Variants in ZC3H4 observed in about 807,000 individuals in gnomAD.
ZC3H4 encodes zinc finger CCCH domain-containing protein 4.
A neutral mutation model predicts 108.3 loss-of-function variants in ZC3H4; 13 were observed. The ratio of observed to expected loss-of-function variants is 0.12; its 90% CI spans 0.08 to 0.19. The LOEUF is 0.19. ZC3H4 is among the 10% of genes least tolerant of loss of function. The probability of loss-of-function intolerance (pLI) is 1.00; values close to 1 mark genes in which losing one functional copy is unlikely to be tolerated. For missense variants in ZC3H4, 1,734 were observed against 1,838.8 expected, an observed-to-expected ratio of 0.94 and a Z score of 1.04; for synonymous variants, 917 against 749.6, an observed-to-expected ratio of 1.22 and a Z score of -3.65.
chr19:47,086,576 C>G, intron 5 of ZC3H4, 38 bp from the exon 6 acceptor site: 1 of 1,532,228 alleles, frequency 6.5e-7, no homozygotes, highest in Middle Eastern at 1.8e-4. Context: ...CCAGCAGGAG[C>G]AGATGCCACC....
Position 47,072,747 on chromosome 19 carries a change from C to T in ZC3H4, c.1441-34G>A, listed in dbSNP as rs369536633. 226 of 1,609,972 alleles carry T rather than the reference C, an allele frequency of 1.4e-4. No homozygotes were observed. The highest frequency in any genetic ancestry group is 6.4e-4 in the South Asian group (58 of 90,810). On this transcript the variant is annotated intron_variant, in intron 11 of 14. Coordinates refer to ENST00000253048, the MANE Select transcript of ZC3H4 (RefSeq NM_015168.2). The surrounding 1 kb of genome is among the most constrained non-coding windows in gnomAD (Gnocchi z 5.6). ...GTGAAAGAACAAAAGAAGGTGTGGA[C>T]GGGGTCAGGATGGAAACGGACCTCT...
chr19:47,097,852 AG>A (rs1340464674), intron 2 of ZC3H4, among the ~76,000 whole-genome samples: 1 of 152,200 alleles, frequency 6.6e-6, no homozygotes, highest in Non-Finnish European at 1.5e-5. Context: ...CGGCCTGTGC[AG>A]GGAGCACTCT....
At chr19:47,078,451 C>T (rs1189583909) in intron 11 of ZC3H4, among the ~76,000 whole-genome samples, 1 of 150,442 alleles carries the variant, frequency 6.6e-6, no homozygotes. Context: ...GCCCACTGCA[C>T]TCCAGCCTGG....
chr19:47,090,329 GC>G (rs35965685), intron 4 of ZC3H4, 140 bp from the exon 5 acceptor site: 1 of 889,740 alleles, frequency 1.1e-6, no homozygotes, highest in East Asian at 2.6e-5. Flanking sequence ...CTGGTCTCCA[GC>G]CCCTCTGGGG....
intron 2 of ZC3H4, among the ~76,000 whole-genome samples, chr19:47,103,315 T>C (rs2057926414): frequency 6.6e-6 from 1 of 152,162 alleles, no homozygotes; most frequent in South Asian, 2.1e-4. Flanking sequence ...TTTATTTATT[T>C]ATTTCTACAC....
At chr19:47,110,555 G>T (rs2058024720) in intron 2 of ZC3H4, among the ~76,000 whole-genome samples, 2 of 152,088 alleles carry the variant, frequency 1.3e-5, no homozygotes, top group Non-Finnish European at 2.9e-5. Context: ...GCATCACTTT[G>T]GTCTAAAGGC....
At chr19:47,087,262 T>C (rs1186666416) in intron 5 of ZC3H4, among the ~76,000 whole-genome samples, 1 of 147,362 alleles carries the variant, frequency 6.8e-6, no homozygotes, top group Non-Finnish European at 1.5e-5. Context: ...GGCAACAGAG[T>C]GAGACCCCGT....
At position 47,094,672 on chromosome 19, in the gene ZC3H4, G is replaced by A. The variant is rs553725662; in HGVS notation, c.162-64C>T. ...TGAGAGGAGACCTCCTAGGGCTCTG[G>A]GCTGGCCAAGGCTGACAGGAACCGA... On this transcript the variant is annotated intron_variant, in intron 2 of 14. Coordinates refer to ENST00000253048, the MANE Select transcript of ZC3H4 (RefSeq NM_015168.2). 26 of 1,536,962 alleles carry A rather than the reference G, an allele frequency of 1.7e-5. No individual in the cohort carries two copies. In the African/African-American group the frequency reaches 3.4e-4, roughly 20 times the overall value.
rs1193327346 is a variant in ZC3H4 at position 47,067,039 on chromosome 19, G to A, written c.3229C>T (p.Pro1077Ser). Residue 1077 changes from proline (P) to serine (S), a missense_variant, in exon 15 of 15, where the codon CCC (proline) becomes TCC (serine). Physicochemically the swap from Pro to Ser is moderately conservative, Grantham distance 74. Coordinates refer to ENST00000253048, the MANE Select transcript of ZC3H4 (RefSeq NM_015168.2). The surrounding 1 kb of genome is among the most constrained non-coding windows in gnomAD (Gnocchi z 6.4). ...KPSDPRVRKAPTDPRLQKPTD... is the reference protein window; with the variant it reads ...KPSDPRVRKASTDPRLQKPTD... ...GGTTTCTGCAGCCGAGGGTCGGTGG[G>A]GGCCTTCCGCACCCGGGGGTCACTG... 6.2e-7 allele frequency: 1 copy of A among 1,604,568 alleles called. No homozygotes were observed. Among genetic ancestry groups the A allele is most frequent in the Middle Eastern group, 1.7e-4 (1 of 6,018 alleles).
chr19:47,080,818 C>A (rs574720811), intron 11 of ZC3H4, among the ~76,000 whole-genome samples: 2 of 152,224 alleles, frequency 1.3e-5, no homozygotes, highest in South Asian at 4.1e-4. Context: ...TTTTTAGTAG[C>A]AATGAGGTTT....
chr19:47,077,010 A>G (rs1007600137), intron 11 of ZC3H4, among the ~76,000 whole-genome samples: 11 of 151,784 alleles, frequency 7.2e-5, no homozygotes, highest in Non-Finnish European at 2.9e-5. Context: ...AATTTTTTCA[A>G]AAAAACATTA....
rs756822980 is a variant in ZC3H4 at position 47,086,467 on chromosome 19, T to C, written c.787A>G (p.Arg263Gly). 1.2e-6 allele frequency: 2 copies of C among 1,611,212 alleles called. No homozygotes were observed. Among genetic ancestry groups the C allele is most frequent in the African/African-American group, 2.7e-5 (2 of 74,828 alleles). The change falls in exon 6 of 15, where the codon AGG becomes GGG. Residue 263 changes from arginine to glycine, a missense_variant. Arg to Gly is a moderately radical substitution (Grantham distance 125). Transcript: ENST00000253048. The stretch of plus-strand genomic sequence containing the variant: ...CCTCTGCCCCTGCCTCGGCTGCCCC[T>C]GCCCATGCCGCGGCCTCGCGATCCT... ...RGGSRGRGMG[R>G]GSRGRGRGSM...
chr19:47,097,891 T>C (rs1028257817), intron 2 of ZC3H4, among the ~76,000 whole-genome samples: 1 of 152,152 alleles, frequency 6.6e-6, no homozygotes, highest in Admixed American at 6.5e-5. Context: ...TGGCAACGCC[T>C]GACATGGCTG....
chr19:47,068,595 G>A (rs2057264204), intron 14 of ZC3H4, among the ~76,000 whole-genome samples: 1 of 152,078 alleles, frequency 6.6e-6, no homozygotes, highest in South Asian at 2.1e-4. Context: ...GGCCACCTGT[G>A]GCCTCTGGCT....
intron 2 of ZC3H4, among the ~76,000 whole-genome samples, chr19:47,099,009 T>C (rs1219971239): frequency 6.6e-6 from 1 of 151,958 alleles, no homozygotes; most frequent in African/African-American, 2.4e-5. Flanking sequence ...GCTGTGAAGG[T>C]TAAATGAAAT....
At chr19:47,069,729 A>G (rs975219990) in intron 13 of ZC3H4, among the ~76,000 whole-genome samples, 10 of 152,214 alleles carry the variant, frequency 6.6e-5, no homozygotes, top group African/African-American at 2.4e-4. Flanking sequence ...TTTTGGATGG[A>G]TAGGAGTTGC....
chr19:47,075,235 A>G (rs1295903926), intron 11 of ZC3H4, among the ~76,000 whole-genome samples: 1 of 152,132 alleles, frequency 6.6e-6, no homozygotes, highest in Non-Finnish European at 1.5e-5. Context: ...TCAGCGTGTG[A>G]ACCAGCAGCA....
chr19:47,096,548 G>A (rs1568561439), intron 2 of ZC3H4, among the ~76,000 whole-genome samples: 1 of 152,252 alleles, frequency 6.6e-6, no homozygotes, highest in Admixed American at 6.5e-5. Context: ...TGCAGACACT[G>A]GGAGGTGGCA....
chr19:47,072,498 GGGCGGT>G lies in ZC3H4; in HGVS notation c.1650_1655del (p.Pro551_Pro552del). ...CCGGCATGGGCATCTGAGGGGGCCC[GGGCGGT>G]GGGGGAGGGGGAGGGGGCGGGGGCG... is the stretch of plus-strand genomic sequence containing the variant. On this transcript the variant is annotated inframe_deletion, in exon 12 of 15. Transcript: ENST00000253048. The surrounding 1 kb of genome is among the most constrained non-coding windows in gnomAD (Gnocchi z 5.6). 7.0e-7 allele frequency: 1 copy of G among 1,420,444 alleles called. No homozygotes were observed. Among genetic ancestry groups the G allele is most frequent in the Middle Eastern group, 2.5e-4 (1 of 4,024 alleles). 88.0% of individuals were successfully genotyped at this position (1,420,444 alleles called of 1,614,324 possible).
Sources: allele counts gnomAD v4.1 joint callset (sites outside exome capture counted in the v4.1 genomes callset), GRCh38; gene constraint gnomAD v4.1.1; non-coding constraint Gnocchi (gnomAD v3.1); transcripts MANE v1.5; gene names NCBI Gene and HGNC (gene_info 2026-07-23, HGNC 2026-07-21).